The following IL22RA2 variants were observed in gnomAD, a reference collection of about 807,000 sequenced individuals.
The protein encoded by IL22RA2 is interleukin 22 receptor subunit alpha 2.
Under a neutral mutation model 30.7 loss-of-function variants are expected in IL22RA2, and 39 were observed. The observed-to-expected ratio is 1.27, with a 90% CI of 0.98 to 1.66. IL22RA2 has a LOEUF of 1.66. Ranked by LOEUF, IL22RA2 falls within the 40% of genes most tolerant of loss-of-function variation. IL22RA2 has a pLI of 0.00. For missense variants in IL22RA2, 315 were observed against 312.7 expected (o/e 1.01, Z -0.05); for synonymous variants, 103 against 105.0 (o/e 0.98, Z 0.11).
intron 1 of IL22RA2, among the ~76,000 whole-genome samples, chr6:137,165,316 G>C (rs572948259): frequency 6.6e-6 from 1 of 152,184 alleles, no homozygotes; most frequent in Non-Finnish European, 1.5e-5. Flanking sequence ...CAGAGGCTGC[G>C]GGTAATCAGT....
At chr6:137,165,790 C>T (rs534056955) in intron 1 of IL22RA2, among the ~76,000 whole-genome samples, 3 of 152,136 alleles carry the variant, frequency 2.0e-5, no homozygotes, top group Non-Finnish European at 4.4e-5. Context: ...CAAAGAAAAG[C>T]CATGATAAAG....
At chr6:137,172,165 T>G (rs1487722358) in intron 1 of IL22RA2, among the ~76,000 whole-genome samples, 1 of 152,208 alleles carries the variant, frequency 6.6e-6, no homozygotes, top group Non-Finnish European at 1.5e-5. Flanking sequence ...AGCCACCAAA[T>G]TGCTCCAAGT....
chr6:137,155,079 C>T lies in IL22RA2; in HGVS notation c.334G>A (p.Gly112Ser), dbSNP rs770321448. 4 of 1,603,990 alleles carry T rather than the reference C, an allele frequency of 2.5e-6. No individual in the cohort carries two copies. The highest frequency in any genetic ancestry group is 3.4e-6 in the Non-Finnish European group (4 of 1,174,634). The change falls in exon 5 of 7, where the codon GGT becomes AGT. Residue 112 changes from glycine (G) to serine (S), a missense_variant. Coordinates refer to ENST00000296980, the MANE Select transcript of IL22RA2 (RefSeq NM_052962.3). ...RQWKNKEDCW[G>S]TQELSCDLTS... ...AGGTCACAAGAGAGTTCTTGAGTAC[C>T]CCAACAGTCTTCTTTATTTTTCCAT...
chr6:137,148,203 G>A (rs1459075906), intron 5 of IL22RA2, among the ~76,000 whole-genome samples: 3 of 152,096 alleles, frequency 2.0e-5, no homozygotes, highest in Non-Finnish European at 4.4e-5. Flanking sequence ...TTATTGGAAG[G>A]GCTTTTCTTA....
intron 1 of IL22RA2, among the ~76,000 whole-genome samples, chr6:137,165,068 G>A (rs925211285): frequency 2.0e-5 from 3 of 152,176 alleles, no homozygotes; most frequent in Admixed American, 6.5e-5. Flanking sequence ...GAGATATCAG[G>A]CAGTATACAC....
intron 1 of IL22RA2, among the ~76,000 whole-genome samples, chr6:137,170,349 C>G (rs978234646): frequency 1.3e-5 from 2 of 152,070 alleles, no homozygotes; most frequent in African/African-American, 4.8e-5. Flanking sequence ...TGACCCCTGC[C>G]TTACATTCAC....
At chr6:137,166,414 T>C (rs2114393384) in intron 1 of IL22RA2, among the ~76,000 whole-genome samples, 1 of 152,082 alleles carries the variant, frequency 6.6e-6, no homozygotes, top group Non-Finnish European at 1.5e-5. Context: ...AAAAAGGAAA[T>C]AGAGCAGCTC....
In IL22RA2 at chr6:137,145,431, C is replaced by T. The variant is rs11154912; in HGVS notation, c.*193G>A. On this transcript the variant is annotated 3_prime_UTR_variant, in exon 7 of 7. Coordinates refer to ENST00000296980, the MANE Select transcript of IL22RA2 (RefSeq NM_052962.3). ...CATTTCAATTTTTCGGGGGGAATGT[C>T]GTTCAAATATAGTTTACAAATGAAA... is the stretch of plus-strand genomic sequence containing the variant. The T allele has an allele frequency of 7.5e-4, 354 of 471,452 alleles. No individual in the cohort carries two copies. Among genetic ancestry groups the T allele is most frequent in the African/African-American group, 6.7e-3 (327 of 49,104 alleles). The allele number at this position is 471,452 out of a possible 1,614,324, so 29.2% of individuals were successfully genotyped here. A position where few individuals can be genotyped will look rare whatever the true frequency, so the allele number is the denominator to read the frequency against.
At chr6:137,145,875 A>C in intron 6 of IL22RA2, 102 bp from the exon 7 acceptor site, 1 of 1,240,246 alleles carries the variant, frequency 8.1e-7, no homozygotes, top group Non-Finnish European at 1.2e-6. Flanking sequence ...ACAGCAGTAG[A>C]TGGGTTGTGG....
In IL22RA2 at chr6:137,156,746, A is replaced by G. The variant is rs865916631; in HGVS notation, c.293+13T>C. On this transcript the variant is annotated intron_variant, in intron 4 of 6. Coordinates refer to ENST00000296980, the MANE Select transcript of IL22RA2 (RefSeq NM_052962.3). ...ACCTGAGGCTAGGTAATTGATAAGG[A>G]AAAGAGGTGTACTTAGCCAATGTTC... The G allele has an allele frequency of 2.5e-6, 4 of 1,611,300 alleles. No homozygotes were observed. The highest frequency in any genetic ancestry group is 1.6e-4 in the Middle Eastern group (1 of 6,074).
In IL22RA2 at chr6:137,150,204, C is replaced by T. The variant is rs139360318; in HGVS notation, c.473-2313G>A. ...GAGGAGGCAATGCATGCAGCTGGCTCATTAGTCTATATCACAGATGCCACA... is the reference window on the plus strand; with the variant it reads ...GAGGAGGCAATGCATGCAGCTGGCTTATTAGTCTATATCACAGATGCCACA... On this transcript the variant is annotated intron_variant, in intron 5 of 6. Transcript: ENST00000296980. Among the ~76,000 whole-genome samples the T allele has an allele frequency of 4.7e-4, 71 of 152,300 alleles. No individual in the cohort carries two copies. The East Asian group carries it at 0.013, about 29-fold the overall frequency.
chr6:137,164,903 T>C (rs1778598569), intron 1 of IL22RA2, among the ~76,000 whole-genome samples: 1 of 152,194 alleles, frequency 6.6e-6, no homozygotes, highest in African/African-American at 2.4e-5. Context: ...AGCCTCAGGC[T>C]CTTATAGATC....
At chr6:137,147,930 G>T in intron 5 of IL22RA2, 39 bp from the exon 6 acceptor site, 1 of 1,545,988 alleles carries the variant, frequency 6.5e-7, no homozygotes, top group South Asian at 1.1e-5. Context: ...ATCATCAAAG[G>T]AATGTATTAT....
intron 2 of IL22RA2, among the ~76,000 whole-genome samples, chr6:137,159,826 C>G (rs903656973): frequency 1.3e-5 from 2 of 152,162 alleles, no homozygotes; most frequent in Non-Finnish European, 2.9e-5. Context: ...AGTCTTTGCT[C>G]AAATGTATCA....
At chr6:137,164,160 T>G (rs1448347792) in intron 1 of IL22RA2, among the ~76,000 whole-genome samples, 1 of 152,072 alleles carries the variant, frequency 6.6e-6, no homozygotes, top group African/African-American at 2.4e-5. Context: ...TTAAAAAAAG[T>G]TTTAATGGTG....
chr6:137,156,389 C>T (rs1048704596), intron 4 of IL22RA2, among the ~76,000 whole-genome samples: 1 of 152,206 alleles, frequency 6.6e-6, no homozygotes, highest in Non-Finnish European at 1.5e-5. Context: ...ATGGTGACAG[C>T]AGTTTCATTC....
At chr6:137,156,020 A>G (rs1204130996) in intron 4 of IL22RA2, among the ~76,000 whole-genome samples, 1 of 152,138 alleles carries the variant, frequency 6.6e-6, no homozygotes, top group Admixed American at 6.5e-5. Context: ...CCCAACATAC[A>G]TGATTAATCT....
At chr6:137,147,654 A>T (rs1304433950) in intron 6 of IL22RA2, 68 bp downstream of exon 6, 2 of 1,268,768 alleles carry the variant, frequency 1.6e-6, no homozygotes, top group Non-Finnish European at 2.1e-6. Flanking sequence ...GACATCTCAT[A>T]TGACCACAAT....
intron 4 of IL22RA2, among the ~76,000 whole-genome samples, chr6:137,155,642 C>G (rs1778390358): frequency 6.6e-6 from 1 of 152,040 alleles, no homozygotes; most frequent in African/African-American, 2.4e-5. Flanking sequence ...ATCCTCATGA[C>G]CCAATCATCT....
Sources: allele counts gnomAD v4.1 joint callset (sites outside exome capture counted in the v4.1 genomes callset), GRCh38; gene constraint gnomAD v4.1.1; transcripts MANE v1.5; gene names NCBI Gene and HGNC (gene_info 2026-07-23, HGNC 2026-07-21).